SUSD3: variants seen among roughly 807,000 people sequenced by gnomAD.
SUSD3 encodes sushi domain containing 3, also known as sushi domain-containing protein 3.
Under a neutral mutation model 20.6 loss-of-function variants are expected in SUSD3, and 18 were observed. The ratio of observed to expected loss-of-function variants is 0.87; its 90% CI spans 0.60 to 1.30. The LOEUF (loss-of-function observed/expected upper bound fraction) is 1.30, where lower values mean the gene tolerates loss of function less well. Among genes scored for constraint, SUSD3 ranks in the 50% most tolerant of loss-of-function variants. The pLI, the probability that SUSD3 is intolerant of heterozygous loss-of-function variation, is 0.00. For missense variants in SUSD3, 306 were observed against 346.9 expected, an observed-to-expected ratio of 0.88 and a Z score of 0.94; for synonymous variants, 137 against 141.5, an observed-to-expected ratio of 0.97 and a Z score of 0.23.
Position 93,075,789 on chromosome 9 carries a change from T to C in SUSD3, c.94T>C (p.Cys32Arg). The change falls in exon 2 of 5, where the codon TGC becomes CGC. Residue 32 changes from cysteine (C) to arginine (R), a missense_variant. By Grantham distance (180) the Cys-to-Arg change is radical. Transcript: ENST00000375472. ...ATACCTGCCTGTCTCCCCAGGCACG[T>C]GCGCTAAGCTGCGGCTACCCCCGCA... Reference protein sequence around the residue: ...TPAPGNRTGTCAKLRLPPQAT... With the variant: ...TPAPGNRTGTRAKLRLPPQAT... 1 of 1,316,858 alleles carries C rather than the reference T, an allele frequency of 7.6e-7. No homozygotes were observed. The highest frequency in any genetic ancestry group is 1.0e-6 in the Non-Finnish European group (1 of 1,003,052). 81.6% of individuals were successfully genotyped at this position (1,316,858 alleles called of 1,614,324 possible).
intron 4 of SUSD3, among the ~76,000 whole-genome samples, chr9:93,082,403 C>T (rs948472057): frequency 2.7e-5 from 4 of 150,780 alleles, no homozygotes; most frequent in African/African-American, 4.9e-5. Context: ...CTGCAAGCTC[C>T]GCCTCCCGGG....
rs1826131093 is a variant in SUSD3 at position 93,075,790 on chromosome 9, G to C, written c.95G>C (p.Cys32Ser). The C allele has an allele frequency of 1.4e-6, 2 of 1,436,050 alleles. No homozygotes were observed. The highest frequency in any genetic ancestry group is 1.9e-6 in the Non-Finnish European group (2 of 1,078,928). The allele number at this position is 1,436,050 out of a possible 1,614,324, so 89.0% of individuals were successfully genotyped here. Residue 32 changes from cysteine (C) to serine (S), a missense_variant, in exon 2 of 5, where the codon TGC becomes TCC. Coordinates refer to ENST00000375472, the MANE Select transcript of SUSD3 (RefSeq NM_145006.4). ...TPAPGNRTGT[C>S]AKLRLPPQAT... ...TACCTGCCTGTCTCCCCAGGCACGT[G>C]CGCTAAGCTGCGGCTACCCCCGCAA...
chr9:93,060,517 C>A (rs1825463469), intron 1 of SUSD3, among the ~76,000 whole-genome samples: 1 of 152,022 alleles, frequency 6.6e-6, no homozygotes, highest in Admixed American at 6.6e-5. Flanking sequence ...GGGTTGGGAG[C>A]CTTTGGAGAG....
rs767256689 is a variant in SUSD3, at chr9:93,084,612, T to C, written c.633T>C (p.Ala211=). 7 of 1,610,132 alleles carry C rather than the reference T, an allele frequency of 4.3e-6. No individual in the cohort carries two copies. The East Asian group carries it at 8.9e-5, about 21-fold the overall frequency. Residue 211 remains alanine (A), a synonymous_variant, in exon 5 of 5, where the codon GCT becomes GCC. Coordinates refer to ENST00000375472, the MANE Select transcript of SUSD3 (RefSeq NM_145006.4). The part of the protein sequence containing the change: ...SVDKDPGIPR[A]LSLSGSSSSP... ...ACAAGGACCCTGGGATCCCCAGAGC[T>C]CTAAGCCTCAGTGGCTCCTCCAGCT...
chr9:93,079,339 C>G (rs1318355524), intron 3 of SUSD3, 132 bp from the exon 4 acceptor site: 1 of 961,044 alleles, frequency 1.0e-6, no homozygotes, highest in Non-Finnish European at 1.5e-6. Context: ...ATCCACTGCC[C>G]AGCTCTTTGA....
chr9:93,084,505 C>A, intron 4 of SUSD3, 32 bp from the exon 5 acceptor site: 2 of 1,544,962 alleles, frequency 1.3e-6, no homozygotes, highest in Non-Finnish European at 1.8e-6. Flanking sequence ...TATCCACACT[C>A]TTTTGCCAAC....
chr9:93,075,554 C>G (rs908843069), intron 1 of SUSD3, among the ~76,000 whole-genome samples: 1 of 151,264 alleles, frequency 6.6e-6, no homozygotes, highest in Admixed American at 6.6e-5. Context: ...TTTTAATGCT[C>G]CAATCCTCAA....
intron 1 of SUSD3, among the ~76,000 whole-genome samples, chr9:93,068,438 T>C (rs1328836426): frequency 2.0e-5 from 3 of 152,212 alleles, no homozygotes; most frequent in African/African-American, 7.2e-5. Flanking sequence ...TCCTTTCCCA[T>C]TGAATTGTCT....
chr9:93,074,847 C>G (rs893043525), intron 1 of SUSD3, among the ~76,000 whole-genome samples: 1 of 152,038 alleles, frequency 6.6e-6, no homozygotes, highest in Non-Finnish European at 1.5e-5. Flanking sequence ...TCCCCGACCT[C>G]ATGATCCACC....
Position 93,078,006 on chromosome 9 carries a change from C to A in SUSD3, c.425+13C>A. The A allele has an allele frequency of 6.2e-7, 1 of 1,614,112 alleles. No individual in the cohort carries two copies. The highest frequency in any genetic ancestry group is 8.5e-7 in the Non-Finnish European group (1 of 1,180,030). On this transcript the variant is annotated intron_variant, in intron 3 of 4. Transcript: ENST00000375472. Reference sequence around the variant, plus strand: ...GGCGCTCCAACAGGTACGGTGGCCTCATGATCTCAGGGTCCTCCCGGGAGG... The same window carrying A: ...GGCGCTCCAACAGGTACGGTGGCCTAATGATCTCAGGGTCCTCCCGGGAGG...
chr9:93,069,681 A>T (rs906973377), intron 1 of SUSD3, among the ~76,000 whole-genome samples: 1 of 152,178 alleles, frequency 6.6e-6, no homozygotes, highest in African/African-American at 2.4e-5. Context: ...ACCTTGCTGA[A>T]CTAATTTCTA....
intron 1 of SUSD3, 49 bp from the exon 2 acceptor site, chr9:93,075,735 T>TGGGGGGGGGGGGGGGGGGGG: frequency 1.2e-5 from 3 of 247,428 alleles, no homozygotes; most frequent in Non-Finnish European, 1.5e-5. Flanking sequence ...CTGCCCTGCG[T>TGGGGGGGGGGGGGGGGGGGG]GCCCACCCCC....
intron 4 of SUSD3, among the ~76,000 whole-genome samples, chr9:93,083,160 C>T (rs1365924719): frequency 1.3e-5 from 2 of 152,190 alleles, no homozygotes; most frequent in Non-Finnish European, 2.9e-5. Flanking sequence ...ACAGTCAGCT[C>T]AAGAGGCAGG....
intron 1 of SUSD3, among the ~76,000 whole-genome samples, chr9:93,060,643 T>A (rs753449266): frequency 2.8e-4 from 43 of 151,732 alleles, no homozygotes; most frequent in Non-Finnish European, 1.2e-4. Context: ...CCAACCTGGG[T>A]AACATAGCAA....
chr9:93,061,259 C>G (rs1485264866), intron 1 of SUSD3, among the ~76,000 whole-genome samples: 1 of 152,242 alleles, frequency 6.6e-6, no homozygotes, highest in Non-Finnish European at 1.5e-5. Flanking sequence ...GGCTTCACCC[C>G]TGAACTCCTG....
At chr9:93,069,292 A>G (rs1002734596) in intron 1 of SUSD3, 1 of 571,030 alleles carries the variant, frequency 1.8e-6, no homozygotes, top group Admixed American at 2.9e-5. Context: ...TGTTCAGGCA[A>G]CTCTCATTTC....
chr9:93,077,480 C>T (rs1424888799), intron 2 of SUSD3, among the ~76,000 whole-genome samples: 1 of 152,076 alleles, frequency 6.6e-6, no homozygotes, highest in African/African-American at 2.4e-5. Flanking sequence ...ACATACCCTA[C>T]AAAACCCTGC....
Position 93,062,779 on chromosome 9 carries a change from C to T in SUSD3, c.88+3949C>T, listed in dbSNP as rs116741186. On this transcript the variant is annotated intron_variant, in intron 1 of 4. Transcript: ENST00000375472. Reference sequence around the variant, plus strand: ...GACTTGGCTGTGCGGTGGTTAGAGACAAGGGTGATCCACCAGCTCCATCCT... The same window carrying T: ...GACTTGGCTGTGCGGTGGTTAGAGATAAGGGTGATCCACCAGCTCCATCCT... Among the ~76,000 whole-genome samples, 935 of 152,214 alleles carry T rather than the reference C, an allele frequency of 6.1e-3. 12 individuals carry two copies. The highest frequency in any genetic ancestry group is 0.021 in the African/African-American group (888 of 41,516).
chr9:93,076,051 G>A, intron 2 of SUSD3, 79 bp downstream of exon 2: 2 of 1,267,970 alleles, frequency 1.6e-6, no homozygotes, highest in Non-Finnish European at 2.2e-6. Flanking sequence ...GGTGTGGGTG[G>A]GGATGGCGTG....
Sources: gnomAD v4.1 joint callset for allele counts (sites outside exome capture counted in the v4.1 genomes callset) on GRCh38, gnomAD v4.1.1 for gene constraint, MANE v1.5 for transcripts, NCBI Gene and HGNC (gene_info 2026-07-23, HGNC 2026-07-21) for gene names.